Variants in DEK observed in about 807,000 individuals in gnomAD.
The protein encoded by DEK is protein DEK.
DEK carries 28 observed loss-of-function variants against 46.8 expected under a neutral mutation model. That is an observed-to-expected ratio of 0.60 (90% CI 0.44 to 0.82). The LOEUF is 0.82. Among genes scored for constraint, DEK ranks in the 40% least tolerant of loss-of-function variants. DEK has a pLI of 0.00. For synonymous variants in DEK, 160 were observed against 144.5 expected (o/e 1.11, Z -0.77); for missense variants, 416 against 430.6 (o/e 0.97, Z 0.30).
chr6:18,256,284 G>T, intron 5 of DEK, 77 bp downstream of exon 5: 1 of 1,293,850 alleles, frequency 7.7e-7, no homozygotes, highest in Non-Finnish European at 1.1e-6. Context: ...ACTGTGCCTG[G>T]CCCGAATGTG....
intron 7 of DEK, among the ~76,000 whole-genome samples, chr6:18,237,860 C>A (rs1278025520): frequency 3.4e-5 from 3 of 88,500 alleles, no homozygotes; most frequent in African/African-American, 9.0e-5. Flanking sequence ...CAACTGGAAT[C>A]TTTTTTTTTT....
chr6:18,242,169 C>T (rs994673526), intron 7 of DEK, among the ~76,000 whole-genome samples: 11 of 152,122 alleles, frequency 7.2e-5, no homozygotes, highest in Middle Eastern at 3.2e-3. Flanking sequence ...GCCAGGAGTT[C>T]GAGACCAGCC....
chr6:18,238,687 A>G (rs1790772093), intron 7 of DEK, among the ~76,000 whole-genome samples: 1 of 151,406 alleles, frequency 6.6e-6, no homozygotes, highest in Non-Finnish European at 1.5e-5. Context: ...CTGTCTCAAA[A>G]AAAAAAAAAA....
Position 18,225,561 on chromosome 6 carries a change from A to C in DEK, c.*158T>G. ...AAATGCAATTTAAAACAGCAAACTCAAATTCACATAACACTCAAGATAAAA... is the reference window on the plus strand; with the variant it reads ...AAATGCAATTTAAAACAGCAAACTCCAATTCACATAACACTCAAGATAAAA... On this transcript the variant is annotated 3_prime_UTR_variant, in exon 11 of 11. Transcript: ENST00000652689. 1.4e-6 allele frequency: 1 copy of C among 710,844 alleles called. No individual in the cohort carries two copies. 44.0% of individuals were successfully genotyped at this position (710,844 alleles called of 1,614,324 possible).
rs1413424485 is a variant in DEK, at chr6:18,223,868, T to C, written c.*1851A>G. On this transcript the variant is annotated 3_prime_UTR_variant, in exon 11 of 11. Transcript: ENST00000652689. ...CTTTCACATGTACTCTGTACTGTAG[T>C]GGTGATACATCCATTTAATAAGTGT... is the stretch of plus-strand genomic sequence containing the variant. The C allele has an allele frequency of 6.6e-6, 1 of 152,234 alleles. No homozygotes were observed. Among genetic ancestry groups the C allele is most frequent in the Non-Finnish European group, 1.5e-5 (1 of 68,042 alleles). 9.4% of individuals were successfully genotyped at this position (152,234 alleles called of 1,614,324 possible).
rs534697889 is a variant in DEK, at chr6:18,252,882, GAAAC to G, written c.573+2845_573+2848del. Among the ~76,000 whole-genome samples the G allele has an allele frequency of 4.4e-3, 676 of 152,264 alleles. 4 individuals carry two copies. The highest frequency in any genetic ancestry group is 0.014 in the Middle Eastern group (4 of 294). On this transcript the variant is annotated intron_variant, in intron 6 of 10. Coordinates refer to ENST00000652689, the MANE Select transcript of DEK (RefSeq NM_003472.4). ...TATTCCTCACAACCACACACCAGCA[GAAAC>G]AAACAAGGCAAATGGTTTCACTTAA...
intron 7 of DEK, among the ~76,000 whole-genome samples, chr6:18,245,822 T>C (rs998743988): frequency 6.6e-6 from 1 of 152,258 alleles, no homozygotes; most frequent in Non-Finnish European, 1.5e-5. Flanking sequence ...TGAATTGTAA[T>C]AATCCCCACG....
intron 7 of DEK, among the ~76,000 whole-genome samples, chr6:18,247,766 G>A (rs1225490672): frequency 6.6e-6 from 1 of 151,410 alleles, no homozygotes; most frequent in Non-Finnish European, 1.5e-5. Context: ...CTGCCTCCCC[G>A]GTTCAAGCAA....
chr6:18,257,857 G>T, intron 4 of DEK, 96 bp downstream of exon 4: 1 of 811,726 alleles, frequency 1.2e-6, no homozygotes, highest in Non-Finnish European at 1.9e-6. Context: ...CAGTCATAAA[G>T]TGTGGAAATT....
intron 7 of DEK, among the ~76,000 whole-genome samples, chr6:18,242,302 CAGTG>C (rs1225061943): frequency 6.6e-6 from 1 of 152,184 alleles, no homozygotes; most frequent in Non-Finnish European, 1.5e-5. Context: ...GTGGAGGTGG[CAGTG>C]AGTATCGATC....
Position 18,237,530 on chromosome 6 carries a change from A to G in DEK, c.763-14T>C. On this transcript the variant is annotated splice_polypyrimidine_tract_variant and intron_variant, in intron 7 of 10. Coordinates refer to ENST00000652689, the MANE Select transcript of DEK (RefSeq NM_003472.4). ...CTTTTTTGGTGGCTGTTACAAAAGA[A>G]AGTAAAAGTACACATATTGATGAGA... 1 of 1,596,966 alleles carries G rather than the reference A, an allele frequency of 6.3e-7. No homozygotes were observed. The highest frequency in any genetic ancestry group is 1.1e-5 in the South Asian group (1 of 88,522).
intron 7 of DEK, among the ~76,000 whole-genome samples, chr6:18,246,560 A>G (rs1397997356): frequency 6.6e-6 from 1 of 152,208 alleles, no homozygotes; most frequent in Non-Finnish European, 1.5e-5. Context: ...TAAAACTGTC[A>G]TTTCAATTAA....
intron 7 of DEK, 38 bp downstream of exon 7, chr6:18,249,613 G>A: frequency 6.7e-7 from 1 of 1,482,020 alleles, no homozygotes; most frequent in Admixed American, 2.6e-5. Flanking sequence ...CTCTCCCCAT[G>A]GAAAGAAATG....
At chr6:18,225,806 T>C in intron 10 of DEK, 76 bp from the exon 11 acceptor site, 1 of 1,559,872 alleles carries the variant, frequency 6.4e-7, no homozygotes, top group Non-Finnish European at 8.8e-7. Context: ...TATTTTACTA[T>C]TTTGTCCTTC....
chr6:18,223,886 A>G lies in DEK; in HGVS notation c.*1833T>C, dbSNP rs1166889402. ...ACTGTAGTGGTGATACATCCATTTA[A>G]TAAGTGTGCGTACTCATCAAGAACT... On this transcript the variant is annotated 3_prime_UTR_variant, in exon 11 of 11. Coordinates refer to ENST00000652689, the MANE Select transcript of DEK (RefSeq NM_003472.4). 3 of 152,342 alleles carry G rather than the reference A, an allele frequency of 2.0e-5. No individual in the cohort carries two copies. The highest frequency in any genetic ancestry group is 1.9e-4 in the East Asian group (1 of 5,186). 9.4% of individuals were successfully genotyped at this position (152,342 alleles called of 1,614,324 possible). A position where few individuals can be genotyped will look rare whatever the true frequency, so the allele number is the denominator to read the frequency against.
chr6:18,245,431 T>C (rs1418526827), intron 7 of DEK, among the ~76,000 whole-genome samples: 2 of 151,300 alleles, frequency 1.3e-5, no homozygotes, highest in Non-Finnish European at 3.0e-5. Flanking sequence ...CTGACAATTA[T>C]TTCAGCAGAA....
intron 2 of DEK, among the ~76,000 whole-genome samples, chr6:18,263,492 G>T (rs1014506187): frequency 6.6e-6 from 1 of 151,642 alleles, no homozygotes; most frequent in South Asian, 2.1e-4. Context: ...CATCCACTTA[G>T]CAACTTCAAA....
At chr6:18,234,195 G>T (rs186173074) in intron 9 of DEK, among the ~76,000 whole-genome samples, 3 of 151,046 alleles carry the variant, frequency 2.0e-5, no homozygotes, top group Non-Finnish European at 4.4e-5. Context: ...TGTGGGGTGG[G>T]GGGGACGGGG....
intron 2 of DEK, among the ~76,000 whole-genome samples, chr6:18,261,202 G>T (rs915234793): frequency 2.0e-5 from 3 of 152,136 alleles, no homozygotes; most frequent in African/African-American, 7.2e-5. Context: ...CCTTGCACCA[G>T]CGTGCTCTGG....
Sources: gnomAD v4.1 joint callset for allele counts (sites outside exome capture counted in the v4.1 genomes callset) on GRCh38, gnomAD v4.1.1 for gene constraint, MANE v1.5 for transcripts, NCBI Gene and HGNC (gene_info 2026-07-23, HGNC 2026-07-21) for gene names.